ASTL: variants seen among roughly 807,000 people sequenced by gnomAD.
ASTL encodes the protein astacin-like metalloendopeptidase.
Under a neutral mutation model 36.7 loss-of-function variants are expected in ASTL, and 27 were observed. That is an observed-to-expected ratio of 0.73 (90% CI 0.54 to 1.01). ASTL has a LOEUF of 1.01. Among genes scored for constraint, ASTL ranks in the 50% least tolerant of loss-of-function variants. ASTL has a pLI of 0.00. For missense variants in ASTL, 524 were observed against 572.8 expected (o/e 0.91, Z 0.87); for synonymous variants, 222 against 228.1 (o/e 0.97, Z 0.24).
rs182757680 is a variant in ASTL at position 96,133,505 on chromosome 2, C to T, written c.375G>A (p.Ala125=). The T allele has an allele frequency of 3.3e-4, 527 of 1,614,164 alleles. 1 individual carries two copies. The highest frequency in any genetic ancestry group is 6.6e-4 in the Middle Eastern group (4 of 6,062). ...PSRQVILEAL[A]EFERSTCIRF... ...TGATGCACGTGGAACGTTCAAACTCCGCAAGAGCCTCCAGGATGACCTGGC... is the reference window on the plus strand; with the variant it reads ...TGATGCACGTGGAACGTTCAAACTCTGCAAGAGCCTCCAGGATGACCTGGC... Residue 125 remains alanine, a synonymous_variant, in exon 5 of 9, where the codon GCG becomes GCA. Transcript: ENST00000342380.
At chr2:96,134,724 T>C (rs1682260713) in intron 3 of ASTL, among the ~76,000 whole-genome samples, 3 of 152,362 alleles carry the variant, frequency 2.0e-5, no homozygotes, top group Non-Finnish European at 2.9e-5. Flanking sequence ...AGCCAGAGGC[T>C]GTGCCGTCAG....
intron 6 of ASTL, among the ~76,000 whole-genome samples, chr2:96,131,514 C>T (rs1558715795): frequency 6.6e-6 from 1 of 152,148 alleles, no homozygotes; most frequent in South Asian, 2.1e-4. Context: ...GTTCCACGAG[C>T]ATTGGGAAGG....
In ASTL at chr2:96,133,435, G is replaced by C; in HGVS notation, c.445C>G (p.Pro149Ala). The C allele has an allele frequency of 6.2e-7, 1 of 1,606,116 alleles. No homozygotes were observed. The highest frequency in any genetic ancestry group is 8.5e-7 in the Non-Finnish European group (1 of 1,172,642). ...QDQRDFISII[P>A]MYGCFSSVGR... is the part of the protein sequence containing the mutation. ...GGCCCCGGCACTTACCCATACATGGGGATGATGGAAATGAAGTCTCTCTGG... is the reference window on the plus strand; with the variant it reads ...GGCCCCGGCACTTACCCATACATGGCGATGATGGAAATGAAGTCTCTCTGG... Residue 149 changes from proline (P) to alanine (A), a missense_variant, in exon 5 of 9, where the codon CCC (proline) becomes GCC (alanine). Physicochemically the swap from Pro to Ala is conservative, Grantham distance 27. Transcript: ENST00000342380.
rs750866527 is a variant in ASTL at position 96,134,060 on chromosome 2, TGAG to T, written c.244-5_244-3del. The T allele has an allele frequency of 6.2e-7, 1 of 1,610,386 alleles. No homozygotes were observed. The highest frequency in any genetic ancestry group is 8.5e-7 in the Non-Finnish European group (1 of 1,176,778). On this transcript the variant is annotated splice_region_variant and splice_polypyrimidine_tract_variant and intron_variant, in intron 3 of 8. Coordinates refer to ENST00000342380, the MANE Select transcript of ASTL (RefSeq NM_001002036.4). Reference sequence around the variant, plus strand: ...TGCTGACAGCAGTCGGAAGGGACTCTGAGGAGAGAGCAGCAGTTCAACCCCTGG... The same window carrying T: ...TGCTGACAGCAGTCGGAAGGGACTCTGAGAGAGCAGCAGTTCAACCCCTGG...
chr2:96,126,369 G>C (rs959277408), intron 8 of ASTL, among the ~76,000 whole-genome samples: 19 of 152,166 alleles, frequency 1.2e-4, no homozygotes, highest in Non-Finnish European at 1.5e-5. Flanking sequence ...ATTCTCCAAA[G>C]ATGCAGATGA....
At chr2:96,138,551 A>C (rs1573918895), upstream of ASTL, 2 of 877,780 alleles carry the variant, frequency 2.3e-6, no homozygotes, top group Non-Finnish European at 3.6e-6. Flanking sequence ...TCCACCTCCC[A>C]CCTTGCTCCC....
chr2:96,136,945 T>C (rs1018498016), intron 2 of ASTL, among the ~76,000 whole-genome samples: 4 of 152,118 alleles, frequency 2.6e-5, no homozygotes, highest in African/African-American at 9.7e-5. Flanking sequence ...CCCAGGTTCA[T>C]GCCATTCTCC....
At chr2:96,130,185 G>GAGGGCAGGCAAGAA in intron 6 of ASTL, 40 bp from the exon 7 acceptor site, 5 of 1,536,420 alleles carry the variant, frequency 3.3e-6, no homozygotes, top group Non-Finnish European at 3.6e-6. Context: ...GATATATAAA[G>GAGGGCAGGCAAGAA]AGGGCAGGCA....
chr2:96,133,402 C>T (rs377475350), intron 5 of ASTL, 23 bp downstream of exon 5: 26 of 1,444,590 alleles, frequency 1.8e-5, no homozygotes, highest in Middle Eastern at 1.7e-4. Flanking sequence ...AGCTGAGATA[C>T]GCATCCTGGC....
chr2:96,123,955 G>T lies in ASTL; in HGVS notation c.1191C>A (p.Val397=). ...WLAGVSTKPT[V]PSSEAGIQPV... is the part of the protein sequence containing the mutation. ...GCTGGATTCCTGCTTCTGAAGATGG[G>T]ACTGTGGGCTTGGTGGACACTCCGG... The change falls in exon 9 of 9, where the codon GTC becomes GTA. Residue 397 remains valine, a synonymous_variant. Transcript: ENST00000342380. 1 of 1,614,040 alleles carries T rather than the reference G, an allele frequency of 6.2e-7. No individual in the cohort carries two copies. The highest frequency in any genetic ancestry group is 1.7e-4 in the Middle Eastern group (1 of 6,058).
intron 8 of ASTL, among the ~76,000 whole-genome samples, chr2:96,128,849 G>A (rs1682112532): frequency 6.6e-6 from 1 of 152,136 alleles, no homozygotes; most frequent in African/African-American, 2.4e-5. Context: ...AGACCAGCCT[G>A]GCCAACATGG....
chr2:96,123,173 G>A lies in ASTL; in HGVS notation c.*677C>T, dbSNP rs1357890715. ...TGGCTGAGCTCCAGGGAATAGCGGT[G>A]TAGGGTGGAGACAACTGAGTCCTCT... On this transcript the variant is annotated 3_prime_UTR_variant, in exon 9 of 9. Coordinates refer to ENST00000342380, the MANE Select transcript of ASTL (RefSeq NM_001002036.4). Among the ~76,000 whole-genome samples, 2 of 152,244 alleles carry A rather than the reference G, an allele frequency of 1.3e-5. No homozygotes were observed. Among genetic ancestry groups the A allele is most frequent in the Non-Finnish European group, 2.9e-5 (2 of 68,044 alleles).
chr2:96,126,855 CAAAAAAAA>C (rs768527639), intron 8 of ASTL, among the ~76,000 whole-genome samples: 1 of 117,830 alleles, frequency 8.5e-6, no homozygotes, highest in African/African-American at 3.2e-5. Flanking sequence ...GACTCCATCT[CAAAAAAAA>C]AAAAAAATCT....
rs189776795 is a variant in ASTL, at chr2:96,125,543, A to C, written c.875-1272T>G. The stretch of plus-strand genomic sequence containing the variant: ...TCCTCCAGCAGGTCATGGTTCCAGC[A>C]TCTGAATGTGCTCCCATGCTCACCA... On this transcript the variant is annotated intron_variant, in intron 8 of 8. Coordinates refer to ENST00000342380, the MANE Select transcript of ASTL (RefSeq NM_001002036.4). 3.3e-3 allele frequency among the ~76,000 whole-genome samples: 509 copies of C among 152,278 alleles called. 1 individual carries two copies. Among genetic ancestry groups the C allele is most frequent in the Non-Finnish European group, 5.0e-3 (338 of 68,028 alleles).
At position 96,124,026 on chromosome 2, in the gene ASTL, G is replaced by T. The variant is rs778629357; in HGVS notation, c.1120C>A (p.Pro374Thr). 6.2e-7 allele frequency: 1 copy of T among 1,614,032 alleles called. No homozygotes were observed. The highest frequency in any genetic ancestry group is 1.1e-5 in the South Asian group (1 of 91,086). The stretch of plus-strand genomic sequence containing the variant: ...GCAACACCGGGGGCACCTGCTCCAG[G>T]CCTTGATCTTGGGGAGGAAGCTAGG... ...QTLASSPRSR[P>T]GAGAPGVAQE... Residue 374 changes from proline to threonine, a missense_variant, in exon 9 of 9, where the codon CCT becomes ACT. By Grantham distance (38) the Pro-to-Thr change is conservative (BLOSUM62 -1). Transcript: ENST00000342380. This position sits in a 1 kb window ranked among gnomAD's most constrained non-coding sequence, Gnocchi z 4.1.
chr2:96,135,452 G>T (rs775216219), intron 2 of ASTL, 40 bp from the exon 3 acceptor site: 55 of 1,593,418 alleles, frequency 3.5e-5, no homozygotes, highest in Non-Finnish European at 4.2e-5. Context: ...ATGTCCCCCA[G>T]AACACTGACT....
At chr2:96,134,899 A>T (rs1682264122) in intron 3 of ASTL, among the ~76,000 whole-genome samples, 4 of 152,180 alleles carry the variant, frequency 2.6e-5, no homozygotes, top group South Asian at 2.1e-4. Flanking sequence ...CTCCCTTCAG[A>T]TGCGGCCCCT....
chr2:96,137,565 G>A lies in ASTL; in HGVS notation c.181+10C>T, dbSNP rs748063061. The A allele has an allele frequency of 6.2e-6, 10 of 1,612,216 alleles. No individual in the cohort carries two copies. In the South Asian group the frequency reaches 1.1e-4, roughly 18 times the overall value. On this transcript the variant is annotated intron_variant, in intron 2 of 8. Coordinates refer to ENST00000342380, the MANE Select transcript of ASTL (RefSeq NM_001002036.4). ...CCCCTCCAGGCCGTGAGAAGATGTA[G>A]TGCCCTCACCTTGGTTAATTGCAGG... is the stretch of plus-strand genomic sequence containing the variant.
chr2:96,136,937 C>T (rs570048761), intron 2 of ASTL, among the ~76,000 whole-genome samples: 2 of 152,310 alleles, frequency 1.3e-5, no homozygotes, highest in South Asian at 4.2e-4. Context: ...CTCCGCCTCC[C>T]AGGTTCATGC....
Sources: allele counts gnomAD v4.1 joint callset (sites outside exome capture counted in the v4.1 genomes callset), GRCh38; gene constraint gnomAD v4.1.1; non-coding constraint Gnocchi (gnomAD v3.1); transcripts MANE v1.5; gene names NCBI Gene and HGNC (gene_info 2026-07-23, HGNC 2026-07-21).